ANO9: variants seen among roughly 807,000 people sequenced by gnomAD.
ANO9 encodes the protein anoctamin 9.
Under a neutral mutation model 100.5 loss-of-function variants are expected in ANO9, and 80 were observed. The ratio of observed to expected loss-of-function variants is 0.80; its 90% CI spans 0.66 to 0.96. The LOEUF is 0.96. Ranked by LOEUF, ANO9 falls within the 40% of genes least tolerant of loss-of-function variation. The pLI, the probability that ANO9 is intolerant of heterozygous loss-of-function variation, is 0.00. For missense variants in ANO9, 1,064 were observed against 1,072.7 expected (o/e 0.99, Z 0.11); for synonymous variants, 473 against 435.6 (o/e 1.09, Z -1.07).
intron 9 of ANO9, 69 bp downstream of exon 9, chr11:430,014 C>T: frequency 2.0e-6 from 3 of 1,502,150 alleles, no homozygotes; most frequent in Non-Finnish European, 1.8e-6. Flanking sequence ...GCCTTGATCT[C>T]CCCCGCTTCG....
At position 422,041 on chromosome 11, in the gene ANO9, C is replaced by T. The variant is rs558937694; in HGVS notation, c.1335-843G>A. 7.2e-5 allele frequency among the ~76,000 whole-genome samples: 11 copies of T among 152,298 alleles called. No homozygotes were observed. Among genetic ancestry groups the T allele is most frequent in the African/African-American group, 2.6e-4 (11 of 41,566 alleles). The stretch of plus-strand genomic sequence containing the variant: ...TGAAAGCCTGGGTGGATAAATCAAT[C>T]GAGTGCTCAAGTGGATACAAAACGA... On this transcript the variant is annotated intron_variant, in intron 15 of 22. Coordinates refer to ENST00000332826, the MANE Select transcript of ANO9 (RefSeq NM_001012302.3). This position sits in a 1 kb window ranked among gnomAD's most constrained non-coding sequence, Gnocchi z 4.3.
intron 1 of ANO9, among the ~76,000 whole-genome samples, chr11:441,711 C>T (rs1046067358): frequency 1.3e-5 from 2 of 152,178 alleles, no homozygotes; most frequent in South Asian, 4.1e-4. Context: ...GCCTCCAGCA[C>T]TTCCAACCCC....
chr11:420,666 C>T (rs1848120464), intron 18 of ANO9, 51 bp from the exon 19 acceptor site: 6 of 1,600,540 alleles, frequency 3.7e-6, no homozygotes, highest in Middle Eastern at 1.7e-4. Flanking sequence ...TGTCCGCGGA[C>T]CCCCGCCCCG....
Position 433,850 on chromosome 11 carries a change from G to A in ANO9, c.169C>T (p.Leu57=), listed in dbSNP as rs1432451146. The change falls in exon 3 of 23, where the codon CTG becomes TTG. Residue 57 remains leucine, a synonymous_variant. Transcript: ENST00000332826. ...DPRQARQQQF[L]EELRRKGFHI... ...AAGCCCTTTCTCCTGAGCTCCTCCA[G>A]GAACTGTTGCTGCCGCGCCTGCCGG... 2.6e-6 allele frequency: 4 copies of A among 1,563,452 alleles called. No homozygotes were observed. Among genetic ancestry groups the A allele is most frequent in the Non-Finnish European group, 3.5e-6 (4 of 1,154,250 alleles).
At position 417,974 on chromosome 11, in the gene ANO9, A is replaced by G; in HGVS notation, c.*397T>C. On this transcript the variant is annotated 3_prime_UTR_variant, in exon 23 of 23. Coordinates refer to ENST00000332826, the MANE Select transcript of ANO9 (RefSeq NM_001012302.3). This position sits in a 1 kb window ranked among gnomAD's most constrained non-coding sequence, Gnocchi z 4.2. ...TTTTACTGCAGAAACGGGTTGGCTG[A>G]AGGGAACAGGCCAGCGAGGTGGGCT... 4.9e-6 allele frequency: 1 copy of G among 202,418 alleles called. No homozygotes were observed. Among genetic ancestry groups the G allele is most frequent in the Non-Finnish European group, 9.9e-6 (1 of 100,778 alleles). 12.5% of individuals were successfully genotyped at this position (202,418 alleles called of 1,614,324 possible). A position where few individuals can be genotyped will look rare whatever the true frequency, so the allele number is the denominator to read the frequency against.
intron 1 of ANO9, among the ~76,000 whole-genome samples, chr11:441,718 C>T (rs906167748): frequency 2.0e-4 from 31 of 152,174 alleles, no homozygotes; most frequent in African/African-American, 7.2e-4. Flanking sequence ...GCACTTCCAA[C>T]CCCCAGCGTG....
chr11:428,589 C>T lies in ANO9; in HGVS notation c.1071G>A (p.Leu357=). 6.2e-7 allele frequency: 1 copy of T among 1,612,572 alleles called. No individual in the cohort carries two copies. The highest frequency in any genetic ancestry group is 8.5e-7 in the Non-Finnish European group (1 of 1,179,886). Residue 357 remains leucine (L), a synonymous_variant, in exon 13 of 23, where the codon CTG becomes CTA. Coordinates refer to ENST00000332826, the MANE Select transcript of ANO9 (RefSeq NM_001012302.3). ...MAHVLVVYRV[L]ASALFSSSAV... is the part of the protein sequence containing the mutation. ...CCGAGCTGCTGAAGAGCGCGGAGGC[C>T]AGGACGCGGTAGACCACCAGGACGT... is the stretch of plus-strand genomic sequence containing the variant.
At position 420,529 on chromosome 11, in the gene ANO9, G is replaced by A. The variant is rs753340054; in HGVS notation, c.1720C>T (p.Arg574Cys). 1.9e-6 allele frequency: 3 copies of A among 1,605,772 alleles called. No homozygotes were observed. Among genetic ancestry groups the A allele is most frequent in the Admixed American group, 1.7e-5 (1 of 59,922 alleles). Residue 574 changes from arginine (R) to cysteine (C), a missense_variant, in exon 19 of 23, where the codon CGC (arginine) becomes TGC (cysteine). Arg to Cys is a radical substitution (Grantham distance 180). Transcript: ENST00000332826. ...LALFSNLVEI[R>C]LDAIKMVWLQ... is the part of the protein sequence containing the mutation. ...CAGACCATCTTGATGGCGTCCAGGC[G>A]GATCTCCACGAGGTTGCTGAAGAGC...
chr11:422,567 G>A lies in ANO9; in HGVS notation c.1335-1369C>T, dbSNP rs1011514144. 3.3e-5 allele frequency among the ~76,000 whole-genome samples: 5 copies of A among 152,192 alleles called. No individual in the cohort carries two copies. Among genetic ancestry groups the A allele is most frequent in the African/African-American group, 1.2e-4 (5 of 41,440 alleles). On this transcript the variant is annotated intron_variant, in intron 15 of 22. Coordinates refer to ENST00000332826, the MANE Select transcript of ANO9 (RefSeq NM_001012302.3). The surrounding 1 kb of genome is among the most constrained non-coding windows in gnomAD (Gnocchi z 4.3). ...CTCACTCAGAAGGACTCAGCCCCAC[G>A]CTGCAAGCTCTGCAGGGGGAGGAGC...
At position 418,759 on chromosome 11, in the gene ANO9, G is replaced by C. The variant is rs1564901074; in HGVS notation, c.2091C>G (p.Phe697Leu). 5.0e-6 allele frequency: 8 copies of C among 1,613,128 alleles called. No homozygotes were observed. Among genetic ancestry groups the C allele is most frequent in the Non-Finnish European group, 6.8e-6 (8 of 1,180,004 alleles). The change falls in exon 22 of 23, where the codon TTC becomes TTG. Residue 697 changes from phenylalanine (F) to leucine (L), a missense_variant. Transcript: ENST00000332826. ...PDYNFSEQFW[F>L]LLAIRLAFVI... Reference sequence around the variant, plus strand: ...CGAAGGCCAGGCGGATGGCCAGGAGGAACCAGAACTGCTCGGAGAAGTTGT... The same window carrying C: ...CGAAGGCCAGGCGGATGGCCAGGAGCAACCAGAACTGCTCGGAGAAGTTGT...
chr11:420,047 C>T (rs1430851330), intron 19 of ANO9: 17 of 1,325,482 alleles, frequency 1.3e-5, no homozygotes, highest in Non-Finnish European at 1.5e-5. Context: ...GTAACCTGGG[C>T]CCGAGACTGG....
At chr11:419,210 C>A in intron 20 of ANO9, 3 of 1,429,284 alleles carry the variant, frequency 2.1e-6, no homozygotes, top group Non-Finnish European at 2.7e-6. Flanking sequence ...ACTTTCCCTG[C>A]CAGAGACTGG....
chr11:419,422 G>A (rs1590407651), intron 20 of ANO9, 160 bp downstream of exon 20: 9 of 1,422,848 alleles, frequency 6.3e-6, no homozygotes, highest in Middle Eastern at 2.6e-4. Context: ...TGCCGTCAGT[G>A]GGCGCAGGGC....
At chr11:433,507 C>T in intron 3 of ANO9, 48 bp from the exon 4 acceptor site, 1 of 1,589,978 alleles carries the variant, frequency 6.3e-7, no homozygotes, top group African/African-American at 1.3e-5. Flanking sequence ...CCTCCCCGCT[C>T]TATCCCGCCT....
At position 428,181 on chromosome 11, in the gene ANO9, G is replaced by C. The variant is rs542936963; in HGVS notation, c.1241C>G (p.Ser414Trp). ...LCDFEMPRTFSERESRFTIRF... is the reference protein window; with the variant it reads ...LCDFEMPRTFWERESRFTIRF... Reference sequence around the variant, plus strand: ...GATGGTGAACCTGCTCTCTCGCTCCGAGAAGGTCCTGGGCATCTCTGGAAT... The same window carrying C: ...GATGGTGAACCTGCTCTCTCGCTCCCAGAAGGTCCTGGGCATCTCTGGAAT... The change falls in exon 15 of 23, where the codon TCG becomes TGG. Residue 414 changes from serine (S) to tryptophan (W), a missense_variant. Coordinates refer to ENST00000332826, the MANE Select transcript of ANO9 (RefSeq NM_001012302.3). 3.7e-6 allele frequency: 6 copies of C among 1,612,092 alleles called. No homozygotes were observed. In the South Asian group the frequency reaches 6.6e-5, roughly 18 times the overall value.
rs1321591384 is a variant in ANO9, at chr11:429,561, C to T, written c.915+9G>A. On this transcript the variant is annotated intron_variant, in intron 11 of 22. Transcript: ENST00000332826. ...GTCGGCCTCAGCTGCGCTGCCAGCT[C>T]CACCTCACCTGTTCCTCGTCCCACA... 1.9e-6 allele frequency: 3 copies of T among 1,612,156 alleles called. No homozygotes were observed. Among genetic ancestry groups the T allele is most frequent in the Admixed American group, 1.7e-5 (1 of 59,982 alleles).
chr11:437,857 C>T (rs1339304025), intron 1 of ANO9, among the ~76,000 whole-genome samples: 2 of 152,208 alleles, frequency 1.3e-5, no homozygotes, highest in African/African-American at 2.4e-5. Flanking sequence ...TGCCCAGAAC[C>T]CCAGCTCCTC....
chr11:418,774 G>T lies in ANO9; in HGVS notation c.2076C>A (p.Ser692=), dbSNP rs762839755. The T allele has an allele frequency of 5.0e-6, 8 of 1,613,078 alleles. No individual in the cohort carries two copies. In the African/African-American group the frequency reaches 1.1e-4, roughly 22 times the overall value. Reference sequence around the variant, plus strand: ...TGGCCAGGAGGAACCAGAACTGCTCGGAGAAGTTGTAATCGGGGGGATTGC... The same window carrying T: ...TGGCCAGGAGGAACCAGAACTGCTCTGAGAAGTTGTAATCGGGGGGATTGC... ...DYRNPPDYNF[S]EQFWFLLAIR... Residue 692 remains serine, a synonymous_variant, in exon 22 of 23, where the codon TCC becomes TCA. Coordinates refer to ENST00000332826, the MANE Select transcript of ANO9 (RefSeq NM_001012302.3).
chr11:420,390 G>A, intron 19 of ANO9, 73 bp downstream of exon 19: 3 of 1,564,324 alleles, frequency 1.9e-6, no homozygotes, highest in Non-Finnish European at 2.6e-6. Flanking sequence ...CAGGTGAGCC[G>A]GCCTGGCCAG....
Sources: allele counts gnomAD v4.1 joint callset (sites outside exome capture counted in the v4.1 genomes callset), GRCh38; gene constraint gnomAD v4.1.1; non-coding constraint Gnocchi (gnomAD v3.1); transcripts MANE v1.5; gene names NCBI Gene and HGNC (gene_info 2026-07-23, HGNC 2026-07-21).